EED: variants seen among roughly 807,000 people sequenced by gnomAD.
EED encodes polycomb protein EED.
Under a neutral mutation model 61.0 loss-of-function variants are expected in EED, and 9 were observed. That is an observed-to-expected ratio of 0.15 (90% CI 0.09 to 0.26). The LOEUF is 0.26. Ranked by LOEUF, EED falls within the 10% of genes least tolerant of loss-of-function variation. The pLI, the probability that EED is intolerant of heterozygous loss-of-function variation, is 1.00. For synonymous variants in EED, 187 were observed against 174.4 expected (o/e 1.07, Z -0.57); for missense variants, 315 against 542.3 (o/e 0.58, Z 4.16).
At chr11:86,278,084 T>A in intron 11 of EED, 93 bp downstream of exon 11, 1 of 1,384,974 alleles carries the variant, frequency 7.2e-7, no homozygotes, top group Non-Finnish European at 9.4e-7. Context: ...TGCAGTGCCA[T>A]CCTTAAGTCA....
chr11:86,266,010 C>A, intron 7 of EED, 73 bp from the exon 8 acceptor site: 1 of 1,341,282 alleles, frequency 7.5e-7, no homozygotes. Context: ...CACTATGTTG[C>A]ACATTAGGCA....
At chr11:86,272,309 C>T (rs370394830) in intron 9 of EED, among the ~76,000 whole-genome samples, 8 of 151,482 alleles carry the variant, frequency 5.3e-5, no homozygotes, top group African/African-American at 1.7e-4. Flanking sequence ...CCACCTGCTT[C>T]GGCCTCCCGA....
intron 6 of EED, among the ~76,000 whole-genome samples, chr11:86,261,667 A>C (rs767810525): frequency 1.3e-5 from 2 of 152,222 alleles, no homozygotes; most frequent in Non-Finnish European, 2.9e-5. Context: ...CCGTGCCTCC[A>C]CAGTTCCTGC....
At chr11:86,278,313 C>A (rs1308109474) in intron 11 of EED, 86 bp from the exon 12 acceptor site, 8 of 1,514,052 alleles carry the variant, frequency 5.3e-6, no homozygotes, top group Middle Eastern at 4.1e-4. Flanking sequence ...CTTGGAACAT[C>A]TGCTTATTTT....
At chr11:86,254,867 T>C (rs6592278) in intron 3 of EED, among the ~76,000 whole-genome samples, 107,275 of 152,170 alleles carry the variant, frequency 0.7, 38,270 homozygotes, top group Non-Finnish European at 0.78. Context: ...ATGATCCGCA[T>C]GCCTTGGCCT....
intron 9 of EED, among the ~76,000 whole-genome samples, chr11:86,273,694 T>C (rs536541966): frequency 3.9e-5 from 6 of 152,352 alleles, no homozygotes; most frequent in African/African-American, 9.6e-5. Flanking sequence ...TTCACAGTTA[T>C]TTTCTTTCAA....
Position 86,278,557 on chromosome 11 carries a change from TTTG to T in EED, c.*37_*39del. 1.9e-6 allele frequency: 3 copies of T among 1,608,192 alleles called. No homozygotes were observed. The highest frequency in any genetic ancestry group is 2.5e-6 in the Non-Finnish European group (3 of 1,176,590). On this transcript the variant is annotated 3_prime_UTR_variant, in exon 12 of 12. Coordinates refer to ENST00000263360, the MANE Select transcript of EED (RefSeq NM_003797.5). ...TTTGCCTAATCAAAATTAGAGTGTG[TTTG>T]TTGTCTGTGTAAAATAGAATTAATG...
chr11:86,282,277 G>T (rs752440032), downstream of EED, among the ~76,000 whole-genome samples: 5 of 152,146 alleles, frequency 3.3e-5, no homozygotes, highest in African/African-American at 9.6e-5. Flanking sequence ...TTTAATTTTT[G>T]TACACAGAAA....
intron 9 of EED, among the ~76,000 whole-genome samples, chr11:86,273,390 T>G (rs551819898): frequency 6.6e-6 from 1 of 152,266 alleles, no homozygotes; most frequent in Non-Finnish European, 1.5e-5. Flanking sequence ...AATATTTATT[T>G]GTATTTGAGA....
intron 10 of EED, chr11:86,277,674 T>C: frequency 3.5e-6 from 1 of 283,770 alleles, no homozygotes; most frequent in Non-Finnish European, 6.5e-6. Flanking sequence ...GCTAACAATG[T>C]AAATTTGTAA....
chr11:86,287,093 CT>C, the EED span, among the ~76,000 whole-genome samples: 568 of 142,840 alleles, frequency 4.0e-3, 2 homozygotes, highest in African/African-American at 0.011. Flanking sequence ...TTTTCTATTT[CT>C]TTTTTTTTTT....
At chr11:86,280,713 A>G (rs555367264), downstream of EED, among the ~76,000 whole-genome samples, 3 of 152,246 alleles carry the variant, frequency 2.0e-5, no homozygotes. Context: ...AGAATGAGCA[A>G]ATTGGGCTAA....
chr11:86,285,828 C>T, the EED span, among the ~76,000 whole-genome samples: 2 of 152,072 alleles, frequency 1.3e-5, no homozygotes, highest in East Asian at 1.9e-4. Flanking sequence ...GAACTCCTGA[C>T]CTCAAGTGAT....
intron 6 of EED, among the ~76,000 whole-genome samples, chr11:86,262,892 G>C (rs1359614167): frequency 6.6e-6 from 1 of 150,562 alleles, no homozygotes; most frequent in East Asian, 2.0e-4. Flanking sequence ...GCTCACTGCA[G>C]CCCAAAACTC....
At chr11:86,254,269 A>G (rs1945612122) in intron 3 of EED, among the ~76,000 whole-genome samples, 1 of 151,588 alleles carries the variant, frequency 6.6e-6, no homozygotes, top group African/African-American at 2.4e-5. Context: ...CTAATATGTA[A>G]ATACTCCAAA....
intron 2 of EED, among the ~76,000 whole-genome samples, chr11:86,251,503 T>TA (rs1945529794): frequency 6.6e-6 from 1 of 152,188 alleles, no homozygotes; most frequent in Non-Finnish European, 1.5e-5. Flanking sequence ...AAGTCAGTGT[T>TA]AAATGCCAGA....
intron 9 of EED, chr11:86,270,085 T>C: frequency 1.4e-6 from 1 of 699,074 alleles, no homozygotes; most frequent in South Asian, 1.5e-5. Context: ...TTTTCCAGAG[T>C]GGCCGTGCCA....
At position 86,268,475 on chromosome 11, in the gene EED, A is replaced by G. The variant is rs781731485; in HGVS notation, c.880A>G (p.Ile294Val). ...KTNRPFISQK[I>V]HFPDFSTRDI... ...CTTCAGGCCATTTATTTCTCAGAAA[A>G]TCCATTTTCCTGATTTTTCTACCAG... The change falls in exon 9 of 12, where the codon ATC becomes GTC. Residue 294 changes from isoleucine to valine, a missense_variant. Transcript: ENST00000263360. The G allele has an allele frequency of 1.3e-6, 2 of 1,598,946 alleles. No individual in the cohort carries two copies. Among genetic ancestry groups the G allele is most frequent in the African/African-American group, 2.7e-5 (2 of 74,330 alleles).
chr11:86,263,449 T>A (rs1160228852), intron 6 of EED, among the ~76,000 whole-genome samples: 3 of 152,248 alleles, frequency 2.0e-5, no homozygotes, highest in Non-Finnish European at 4.4e-5. Context: ...ACCAACATTC[T>A]GTCTGAGTCC....
Sources: gnomAD v4.1 joint callset for allele counts (sites outside exome capture counted in the v4.1 genomes callset) on GRCh38, gnomAD v4.1.1 for gene constraint, MANE v1.5 for transcripts, NCBI Gene and HGNC (gene_info 2026-07-23, HGNC 2026-07-21) for gene names.